Variants in PNPLA1 observed in about 807,000 individuals in gnomAD.
PNPLA1 encodes omega-hydroxyceramide transacylase.
Under a neutral mutation model 51.7 loss-of-function variants are expected in PNPLA1, and 36 were observed. The ratio of observed to expected loss-of-function variants is 0.70; its 90% CI spans 0.53 to 0.92. The LOEUF (loss-of-function observed/expected upper bound fraction) is 0.92. PNPLA1 is among the 40% of genes least tolerant of loss of function. The pLI, the probability that PNPLA1 is intolerant of heterozygous loss-of-function variation, is 0.00. For synonymous variants in PNPLA1, 293 were observed against 280.1 expected, an observed-to-expected ratio of 1.05 and a Z score of -0.46; for missense variants, 658 against 682.5, an observed-to-expected ratio of 0.96 and a Z score of 0.40.
upstream of PNPLA1, among the ~76,000 whole-genome samples, chr6:36,267,761 G>C (rs1769796495): frequency 6.6e-6 from 1 of 152,078 alleles, no homozygotes; most frequent in Admixed American, 6.5e-5. Flanking sequence ...AGGGATCTCT[G>C]TCCTTGGTTC....
intron 1 of PNPLA1, among the ~76,000 whole-genome samples, chr6:36,281,735 T>C (rs1277472951): frequency 1.3e-5 from 2 of 152,114 alleles, no homozygotes; most frequent in Admixed American, 6.6e-5. Context: ...GAAAGTGAGA[T>C]CTGGCCGGGT....
At chr6:36,275,651 T>C (rs1770067549) in intron 1 of PNPLA1, among the ~76,000 whole-genome samples, 1 of 152,222 alleles carries the variant, frequency 6.6e-6, no homozygotes, top group Non-Finnish European at 1.5e-5. Context: ...TTAATCATTA[T>C]AGTCTTATAA....
chr6:36,313,038 G>A lies in PNPLA1; in HGVS notation c.*1152G>A, dbSNP rs1229471391. Among the ~76,000 whole-genome samples, 1 of 152,158 alleles carries A rather than the reference G, an allele frequency of 6.6e-6. No individual in the cohort carries two copies. The highest frequency in any genetic ancestry group is 2.4e-5 in the African/African-American group (1 of 41,426). The stretch of plus-strand genomic sequence containing the variant: ...GTGTACTAACGGCTTGGCCTGAGCT[G>A]GTCACTGGAATCGCTGGCTGAATTT... On this transcript the variant is annotated 3_prime_UTR_variant, in exon 9 of 9. Transcript: ENST00000636260.
chr6:36,306,238 A>T (rs368844811), intron 6 of PNPLA1, 54 bp from the exon 7 acceptor site: 29 of 1,316,268 alleles, frequency 2.2e-5, no homozygotes, highest in Non-Finnish European at 3.1e-5. Context: ...TTCAAAAATG[A>T]CTCCATATCC....
At chr6:36,273,479 G>C (rs1003655059) in intron 1 of PNPLA1, among the ~76,000 whole-genome samples, 42 of 151,830 alleles carry the variant, frequency 2.8e-4, no homozygotes, top group Non-Finnish European at 3.2e-4. Flanking sequence ...CCCCCACTCT[G>C]TCCTGGAGTC....
upstream of PNPLA1, among the ~76,000 whole-genome samples, chr6:36,265,895 G>T (rs990695747): frequency 8.5e-5 from 13 of 152,190 alleles, no homozygotes; most frequent in Non-Finnish European, 1.0e-4. Flanking sequence ...ACCAGGGCTG[G>T]TCTGTGTGAC....
chr6:36,282,192 AGAAGGAAGGAAGGAAGGAAGG>A (rs1770330533), intron 1 of PNPLA1, among the ~76,000 whole-genome samples: 1 of 34,278 alleles, frequency 2.9e-5, no homozygotes, highest in East Asian at 1.0e-3. Context: ...AAAGAAAGAA[AGAAGGAAGGAAGGAAGGAAGG>A]GAAGGAAGGA....
At chr6:36,303,543 A>G (rs1215003328) in intron 6 of PNPLA1, among the ~76,000 whole-genome samples, 1 of 152,214 alleles carries the variant, frequency 6.6e-6, no homozygotes, top group South Asian at 2.1e-4. Context: ...TCAAAAATAC[A>G]ATCAGGGACT....
At chr6:36,270,700 T>C (rs1341244849) in intron 1 of PNPLA1, 36 bp downstream of exon 1, 2 of 1,545,106 alleles carry the variant, frequency 1.3e-6, no homozygotes, top group South Asian at 1.2e-5. Flanking sequence ...GGGAAGTCTC[T>C]TGGGGGATTC....
upstream of PNPLA1, among the ~76,000 whole-genome samples, chr6:36,266,970 C>T (rs1017009175): frequency 6.6e-6 from 1 of 152,190 alleles, no homozygotes; most frequent in Non-Finnish European, 1.5e-5. Flanking sequence ...GTGCATCTTT[C>T]TCCCCAGTAT....
intron 1 of PNPLA1, among the ~76,000 whole-genome samples, chr6:36,271,027 G>A (rs1015408296): frequency 6.6e-6 from 1 of 152,214 alleles, no homozygotes; most frequent in African/African-American, 2.4e-5. Context: ...TTGGGGTTCA[G>A]TGTTGCTCCT....
At chr6:36,299,033 G>A (rs919877464) in intron 5 of PNPLA1, among the ~76,000 whole-genome samples, 2 of 152,108 alleles carry the variant, frequency 1.3e-5, no homozygotes, top group African/African-American at 4.8e-5. Flanking sequence ...CACCGCGCCT[G>A]GCCGATTTTC....
chr6:36,284,919 T>C (rs1432810954), intron 1 of PNPLA1, among the ~76,000 whole-genome samples: 1 of 152,162 alleles, frequency 6.6e-6, no homozygotes, highest in Non-Finnish European at 1.5e-5. Flanking sequence ...AGTGACACTG[T>C]AGCTTCAAGC....
intron 1 of PNPLA1, among the ~76,000 whole-genome samples, chr6:36,262,112 CA>C (rs1390721757): frequency 6.6e-6 from 1 of 152,200 alleles, no homozygotes; most frequent in Non-Finnish European, 1.5e-5. Flanking sequence ...CCAGGCAGTG[CA>C]AGGAGACTGA....
chr6:36,289,027 A>G (rs1479287931), intron 1 of PNPLA1, among the ~76,000 whole-genome samples: 1 of 152,148 alleles, frequency 6.6e-6, no homozygotes, highest in African/African-American at 2.4e-5. Context: ...GTATTATATG[A>G]CCCCTTATAA....
At chr6:36,259,009 GC>G (rs1769590417) in intron 1 of PNPLA1, among the ~76,000 whole-genome samples, 1 of 152,188 alleles carries the variant, frequency 6.6e-6, no homozygotes. Flanking sequence ...TCAGTGTGCT[GC>G]CCCACTATGG....
chr6:36,310,282 T>C (rs1771359646), intron 8 of PNPLA1, among the ~76,000 whole-genome samples: 1 of 152,206 alleles, frequency 6.6e-6, no homozygotes, highest in African/African-American at 2.4e-5. Context: ...CTCCTGGAGC[T>C]TGGGTGGGTG....
chr6:36,269,370 G>T (rs1561853025), upstream of PNPLA1, among the ~76,000 whole-genome samples: 1 of 152,168 alleles, frequency 6.6e-6, no homozygotes, highest in Admixed American at 6.6e-5. Context: ...TCAGGGGGCA[G>T]AACCGCAGCC....
At chr6:36,293,852 A>C (rs1162148565) in intron 3 of PNPLA1, among the ~76,000 whole-genome samples, 8 of 152,186 alleles carry the variant, frequency 5.3e-5, no homozygotes, top group Non-Finnish European at 1.2e-4. Context: ...GGGCTGTAGC[A>C]GAGGAGCACG....
Sources: gnomAD v4.1 joint callset for allele counts (sites outside exome capture counted in the v4.1 genomes callset) on GRCh38, gnomAD v4.1.1 for gene constraint, MANE v1.5 for transcripts, NCBI Gene and HGNC (gene_info 2026-07-23, HGNC 2026-07-21) for gene names.